The following ERO1B variants were observed in gnomAD, a reference collection of about 807,000 sequenced individuals.
ERO1B encodes endoplasmic reticulum oxidoreductase 1 beta.
A neutral mutation model predicts 75.3 loss-of-function variants in ERO1B; 49 were observed. The observed-to-expected ratio is 0.65, with a 90% CI of 0.52 to 0.83. The LOEUF is 0.83. Ranked by LOEUF, ERO1B falls within the 40% of genes least tolerant of loss-of-function variation. ERO1B has a pLI of 0.00. For missense variants in ERO1B, 512 were observed against 560.1 expected, an observed-to-expected ratio of 0.91 and a Z score of 0.87; for synonymous variants, 191 against 192.9, an observed-to-expected ratio of 0.99 and a Z score of 0.08.
chr1:236,221,424 G>A (rs2252137), intron 14 of ERO1B, among the ~76,000 whole-genome samples: 71,336 of 151,884 alleles, frequency 0.47, 17,482 homozygotes, highest in East Asian at 0.88. Flanking sequence ...TTTTCTATAA[G>A]TTACCATCTT....
At position 236,254,832 on chromosome 1, in the gene ERO1B, C is replaced by T. The variant is rs187346607; in HGVS notation, c.223-1327G>A. Among the ~76,000 whole-genome samples the T allele has an allele frequency of 1.2e-4, 18 of 151,998 alleles. No homozygotes were observed. In the East Asian group the frequency reaches 3.5e-3, roughly 29 times the overall value. ...TTCACCATGTTGGCCAGGCTGGTTT[C>T]GAACTCCTGACCTCAGGTGACCCGC... On this transcript the variant is annotated intron_variant, in intron 2 of 15. Coordinates refer to ENST00000354619, the MANE Select transcript of ERO1B (RefSeq NM_019891.4).
At chr1:236,254,488 G>GC (rs1364365398) in intron 2 of ERO1B, among the ~76,000 whole-genome samples, 1 of 152,142 alleles carries the variant, frequency 6.6e-6, no homozygotes, top group African/African-American at 2.4e-5. Context: ...AAACTCTGCA[G>GC]CAAGCTCCAC....
At chr1:236,247,051 A>G (rs951673891) in intron 5 of ERO1B, among the ~76,000 whole-genome samples, 6 of 152,200 alleles carry the variant, frequency 3.9e-5, no homozygotes, top group Non-Finnish European at 8.8e-5. Context: ...AAAATGACAA[A>G]GAATATAAAC....
Position 236,281,763 on chromosome 1 carries a change from C to T in ERO1B, c.21G>A (p.Arg7=), listed in dbSNP as rs1665841066. The T allele has an allele frequency of 1.3e-6, 2 of 1,515,718 alleles. No individual in the cohort carries two copies. The highest frequency in any genetic ancestry group is 1.4e-5 in the African/African-American group (1 of 70,812). 93.9% of individuals were successfully genotyped at this position (1,515,718 alleles called of 1,614,324 possible). A position where few individuals can be genotyped will look rare whatever the true frequency, so the allele number is the denominator to read the frequency against. Residue 7 remains arginine (R), a synonymous_variant, in exon 1 of 16, where the codon CGG becomes CGA. Transcript: ENST00000354619. MSQGVR[R]AGAGQGVAAA... is the part of the protein sequence containing the mutation. The stretch of plus-strand genomic sequence containing the variant: ...CCGCTACCCCCTGCCCAGCGCCTGC[C>T]CGGCGGACCCCTTGGCTCATGCTGA...
At chr1:236,269,150 G>A (rs1665533673) in intron 2 of ERO1B, among the ~76,000 whole-genome samples, 1 of 152,104 alleles carries the variant, frequency 6.6e-6, no homozygotes, top group Non-Finnish European at 1.5e-5. Context: ...CAGAAGAATC[G>A]CTTGAAGCCA....
At chr1:236,237,471 A>T (rs894534954) in intron 6 of ERO1B, among the ~76,000 whole-genome samples, 1 of 152,188 alleles carries the variant, frequency 6.6e-6, no homozygotes, top group African/African-American at 2.4e-5. Context: ...TAAAAATCTT[A>T]ATTATTGAAG....
chr1:236,237,818 T>G (rs1372995745), intron 6 of ERO1B, among the ~76,000 whole-genome samples: 2 of 152,190 alleles, frequency 1.3e-5, no homozygotes, highest in African/African-American at 4.8e-5. Context: ...AACAGCATCT[T>G]GATCCATGCC....
intron 8 of ERO1B, among the ~76,000 whole-genome samples, chr1:236,235,335 C>T (rs1302241168): frequency 2.0e-5 from 3 of 152,212 alleles, no homozygotes; most frequent in Non-Finnish European, 4.4e-5. Context: ...TGTGTATGCA[C>T]ACTGAAGTCT....
chr1:236,281,221 C>T (rs1307848856), intron 1 of ERO1B, among the ~76,000 whole-genome samples: 2 of 152,196 alleles, frequency 1.3e-5, no homozygotes, highest in South Asian at 2.1e-4. Context: ...CTCCCAATCC[C>T]CTGCGCCTGG....
At chr1:236,218,603 G>T (rs755091567) in intron 15 of ERO1B, 27 bp from the exon 16 acceptor site, 4 of 1,325,684 alleles carry the variant, frequency 3.0e-6, no homozygotes, top group East Asian at 3.0e-5. Context: ...AAGCTTATTA[G>T]TAAGGCTAAC....
intron 2 of ERO1B, among the ~76,000 whole-genome samples, chr1:236,254,922 C>CTT (rs60728524): frequency 7.1e-6 from 1 of 141,054 alleles, no homozygotes; most frequent in East Asian, 2.1e-4. Flanking sequence ...CGGTCTTTAT[C>CTT]TTTTTTTTTT....
In ERO1B at chr1:236,269,962, A is replaced by G. The variant is rs1340816615; in HGVS notation, c.135T>C (p.Asp45=). ...VTGVLDDCLC[D]IDSIDNFNTY... is the part of the protein sequence containing the mutation. The stretch of plus-strand genomic sequence containing the variant: ...TATTGAAGTTATCGATGCTGTCAAT[A>G]TCACACAAGCAATCATCCAGAACTC... Residue 45 remains aspartate (D), a synonymous_variant, in exon 2 of 16, where the codon GAT becomes GAC. Coordinates refer to ENST00000354619, the MANE Select transcript of ERO1B (RefSeq NM_019891.4). 2 of 1,603,800 alleles carry G rather than the reference A, an allele frequency of 1.2e-6. No individual in the cohort carries two copies. The highest frequency in any genetic ancestry group is 1.7e-5 in the Admixed American group (1 of 59,892).
At chr1:236,275,532 A>G (rs1336299098) in intron 1 of ERO1B, among the ~76,000 whole-genome samples, 2 of 152,120 alleles carry the variant, frequency 1.3e-5, no homozygotes, top group Non-Finnish European at 2.9e-5. Context: ...GTATTCCCCA[A>G]CCCGGAAGCT....
At chr1:236,261,921 C>A (rs1665301071) in intron 2 of ERO1B, among the ~76,000 whole-genome samples, 1 of 151,954 alleles carries the variant, frequency 6.6e-6, no homozygotes, top group Non-Finnish European at 1.5e-5. Flanking sequence ...CCAGCCCAGG[C>A]AACAGAGCAA....
At chr1:236,266,529 G>A (rs973882183) in intron 2 of ERO1B, among the ~76,000 whole-genome samples, 1 of 151,944 alleles carries the variant, frequency 6.6e-6, no homozygotes, top group African/African-American at 2.4e-5. Flanking sequence ...ACTTGAACCT[G>A]GGAGGCTGAG....
At chr1:236,239,825 G>GTCTATATATGTA (rs1558510829) in intron 6 of ERO1B, among the ~76,000 whole-genome samples, 1 of 50,824 alleles carries the variant, frequency 2.0e-5, no homozygotes, top group Non-Finnish European at 6.2e-5. Context: ...ATATATATGT[G>GTCTATATATGTA]TATATATATG....
At chr1:236,268,698 A>AGC (rs1377106707) in intron 2 of ERO1B, among the ~76,000 whole-genome samples, 93 of 151,638 alleles carry the variant, frequency 6.1e-4, no homozygotes, top group Non-Finnish European at 1.2e-3. Flanking sequence ...CATCCTGGCT[A>AGC]ACATGGTGAA....
chr1:236,258,781 C>T (rs372542945), intron 2 of ERO1B, among the ~76,000 whole-genome samples: 118 of 152,214 alleles, frequency 7.8e-4, no homozygotes, highest in African/African-American at 2.7e-3. Context: ...CCCAGCTACT[C>T]GGGAAGCCGA....
chr1:236,235,675 C>A, intron 8 of ERO1B, 114 bp downstream of exon 8: 1 of 897,564 alleles, frequency 1.1e-6, no homozygotes. Context: ...ACTTTTTGTT[C>A]ATCATTCAAA....
Sources: gnomAD v4.1 joint callset for allele counts (sites outside exome capture counted in the v4.1 genomes callset) on GRCh38, gnomAD v4.1.1 for gene constraint, MANE v1.5 for transcripts, NCBI Gene and HGNC (gene_info 2026-07-23, HGNC 2026-07-21) for gene names.